Variants in CDC42BPB observed in about 807,000 individuals in gnomAD.
The protein encoded by CDC42BPB is CDC42 binding protein kinase beta.
Under a neutral mutation model 214.9 loss-of-function variants are expected in CDC42BPB, and 37 were observed. The observed-to-expected ratio is 0.17, with a 90% confidence interval of 0.13 to 0.23. CDC42BPB has a LOEUF of 0.23. CDC42BPB is among the 10% of genes least tolerant of loss of function. CDC42BPB has a pLI of 1.00. For missense variants in CDC42BPB, 1,694 were observed against 2,227.0 expected (o/e 0.76, Z 4.82); for synonymous variants, 931 against 884.0 (o/e 1.05, Z -0.94).
At chr14:103,042,964 T>A (rs1190230662) in intron 1 of CDC42BPB, among the ~76,000 whole-genome samples, 1 of 152,102 alleles carries the variant, frequency 6.6e-6, no homozygotes, top group Non-Finnish European at 1.5e-5. Context: ...CACAAAAACT[T>A]GTACATTAAT....
intron 1 of CDC42BPB, chr14:103,041,735 C>T: frequency 1.8e-6 from 1 of 544,180 alleles, no homozygotes. Context: ...AAGAAGGTGG[C>T]CCAGACCATT....
Position 103,004,617 on chromosome 14 carries a change from T to C in CDC42BPB, c.352-594A>G, listed in dbSNP as rs1895147586. On this transcript the variant is annotated intron_variant, in intron 3 of 36. Coordinates refer to ENST00000361246, the MANE Select transcript of CDC42BPB (RefSeq NM_006035.4). The surrounding 1 kb of genome is among the most constrained non-coding windows in gnomAD (Gnocchi z 5.3). Reference sequence around the variant, plus strand: ...CCCAGGTGGCATCTCCGTTTAAAAGTCACCAGGCCTGGCCGAGCACGGTGG... The same window carrying C: ...CCCAGGTGGCATCTCCGTTTAAAAGCCACCAGGCCTGGCCGAGCACGGTGG... 2.0e-5 allele frequency among the ~76,000 whole-genome samples: 3 copies of C among 152,166 alleles called. No homozygotes were observed. Among genetic ancestry groups the C allele is most frequent in the African/African-American group, 4.8e-5 (2 of 41,438 alleles).
intron 34 of CDC42BPB, 146 bp downstream of exon 34, chr14:102,939,464 C>T (rs1013382267): frequency 2.0e-5 from 13 of 656,134 alleles, no homozygotes; most frequent in East Asian, 5.2e-5. Context: ...TCAGCGGAGA[C>T]GGGCTTGTGT....
At chr14:102,986,820 G>T in intron 5 of CDC42BPB, 2 of 725,642 alleles carry the variant, frequency 2.8e-6, no homozygotes, top group Non-Finnish European at 3.4e-6. Flanking sequence ...ATTCCTACTC[G>T]TCTGCCCACC....
In CDC42BPB at chr14:102,933,700, G is replaced by A. The variant is rs761881673; in HGVS notation, c.*12C>T. 3.7e-5 allele frequency: 53 copies of A among 1,451,056 alleles called. No homozygotes were observed. The Admixed American group carries it at 3.8e-4, about 10-fold the overall frequency. The allele number at this position is 1,451,056 out of a possible 1,614,324, so 89.9% of individuals were successfully genotyped here. ...TCTCCAGCTCCCTGGCCCCTGTGGC[G>A]AGCTGGCGGCTTCAGGTGTCACAGG... is the stretch of plus-strand genomic sequence containing the variant. On this transcript the variant is annotated 3_prime_UTR_variant, in exon 37 of 37. Coordinates refer to ENST00000361246, the MANE Select transcript of CDC42BPB (RefSeq NM_006035.4).
chr14:103,022,328 T>C (rs551964889), intron 1 of CDC42BPB, among the ~76,000 whole-genome samples: 1 of 151,256 alleles, frequency 6.6e-6, no homozygotes, highest in African/African-American at 2.4e-5. Flanking sequence ...ATGAGAGAGG[T>C]GGGGTGGAGA....
chr14:102,954,550 G>T, intron 22 of CDC42BPB, 52 bp downstream of exon 22: 1 of 1,531,066 alleles, frequency 6.5e-7, no homozygotes, highest in Non-Finnish European at 9.0e-7. Context: ...TGGTCACCTG[G>T]ACACGAGGGC....
intron 1 of CDC42BPB, among the ~76,000 whole-genome samples, chr14:103,020,958 C>G (rs1886738407): frequency 5.3e-5 from 8 of 152,168 alleles, no homozygotes; most frequent in Admixed American, 5.2e-4. Context: ...AGCCACAGAC[C>G]CCTCTCATCA....
At chr14:102,989,855 G>A (rs1158678036) in intron 5 of CDC42BPB, among the ~76,000 whole-genome samples, 1 of 141,780 alleles carries the variant, frequency 7.1e-6, no homozygotes, top group Non-Finnish European at 1.5e-5. Flanking sequence ...GCGAAACTCT[G>A]TTTCAAAAAA....
In CDC42BPB at chr14:103,052,359, T is replaced by A. The variant is rs76099093; in HGVS notation, c.175+4640A>T. 9.4e-3 allele frequency among the ~76,000 whole-genome samples: 1,429 copies of A among 152,340 alleles called. 27 individuals carry two copies. Among genetic ancestry groups the A allele is most frequent in the African/African-American group, 0.032 (1,317 of 41,574 alleles). On this transcript the variant is annotated intron_variant, in intron 1 of 36. Coordinates refer to ENST00000361246, the MANE Select transcript of CDC42BPB (RefSeq NM_006035.4). ...GTTATTTTTAAAAAGTGTTCCCATG[T>A]TATGCAAATATTCTATCCAGAGAAA...
At chr14:102,954,966 A>G (rs1595463132) in intron 21 of CDC42BPB, 1 of 202,106 alleles carries the variant, frequency 4.9e-6, no homozygotes, top group African/African-American at 2.4e-5. Context: ...CACCCCGCTG[A>G]GGTGAGAATT....
intron 5 of CDC42BPB, among the ~76,000 whole-genome samples, chr14:102,990,089 T>C (rs1324089936): frequency 6.6e-6 from 1 of 152,168 alleles, no homozygotes; most frequent in East Asian, 1.9e-4. Context: ...TACAACTTCA[T>C]GCAGTTTTGG....
chr14:103,051,588 C>T (rs1888611898), intron 1 of CDC42BPB, among the ~76,000 whole-genome samples: 2 of 152,148 alleles, frequency 1.3e-5, no homozygotes, highest in Non-Finnish European at 2.9e-5. Context: ...ACCTGGCTTG[C>T]GACAAGAGGC....
rs999290643 is a variant in CDC42BPB, at chr14:103,004,638, G to A, written c.352-615C>T. On this transcript the variant is annotated intron_variant, in intron 3 of 36. Coordinates refer to ENST00000361246, the MANE Select transcript of CDC42BPB (RefSeq NM_006035.4). This position sits in a 1 kb window ranked among gnomAD's most constrained non-coding sequence, Gnocchi z 5.3. Reference sequence around the variant, plus strand: ...AAAGTCACCAGGCCTGGCCGAGCACGGTGGCTCACACCTGAGGTCAGGAGT... The same window carrying A: ...AAAGTCACCAGGCCTGGCCGAGCACAGTGGCTCACACCTGAGGTCAGGAGT... Among the ~76,000 whole-genome samples, 24 of 152,142 alleles carry A rather than the reference G, an allele frequency of 1.6e-4. No homozygotes were observed. The highest frequency in any genetic ancestry group is 1.9e-4 in the East Asian group (1 of 5,182).
At chr14:102,966,808 G>A (rs1257356610) in intron 17 of CDC42BPB, among the ~76,000 whole-genome samples, 1 of 152,220 alleles carries the variant, frequency 6.6e-6, no homozygotes, top group African/African-American at 2.4e-5. Context: ...GAACGCAAGG[G>A]GTGTGAACGG....
chr14:102,933,765 G>T lies in CDC42BPB; in HGVS notation c.5083C>A (p.His1695Asn), dbSNP rs760303410. Residue 1695 changes from histidine to asparagine, a missense_variant, in exon 37 of 37, where the codon CAC becomes AAC. His to Asn is a moderately conservative substitution (Grantham distance 68). This residue lies in a region of CDC42BPB where 146 missense variants were observed against 134.1 expected (regional missense o/e 1.09). Transcript: ENST00000361246. The part of the protein sequence containing the change: ...PSGPPSPNSP[H>N]RSQLPLEGLE... Reference sequence around the variant, plus strand: ...CCTTCGAGGGGGAGCTGGCTCCTGTGGGGGGAGTTGGGGCTCGGTGGGCCG... The same window carrying T: ...CCTTCGAGGGGGAGCTGGCTCCTGTTGGGGGAGTTGGGGCTCGGTGGGCCG... 3.5e-5 allele frequency: 53 copies of T among 1,500,190 alleles called. No homozygotes were observed. The highest frequency in any genetic ancestry group is 1.7e-4 in the Middle Eastern group (1 of 5,802). 92.9% of individuals were successfully genotyped at this position (1,500,190 alleles called of 1,614,324 possible). A position where few individuals can be genotyped will look rare whatever the true frequency, so the allele number is the denominator to read the frequency against.
intron 1 of CDC42BPB, chr14:103,042,052 A>C: frequency 4.9e-6 from 1 of 204,236 alleles, no homozygotes; most frequent in Admixed American, 5.5e-5. Flanking sequence ...ACCGGCAAAG[A>C]GACAAGGAAG....
chr14:102,974,281 TACACAC>T lies in CDC42BPB; in HGVS notation c.1508-138_1508-133del, dbSNP rs71119749. On this transcript the variant is annotated intron_variant, in intron 11 of 36. Coordinates refer to ENST00000361246, the MANE Select transcript of CDC42BPB (RefSeq NM_006035.4). ...TTTTTCATTCAGAGGTTTTTTTACT[TACACAC>T]ACACACACACACACACACACACACA... The T allele has an allele frequency of 2.6e-3, 3,415 of 1,314,710 alleles. 5 individuals carry two copies. Among genetic ancestry groups the T allele is most frequent in the African/African-American group, 2.9e-3 (175 of 61,108 alleles). The allele number at this position is 1,314,710 out of a possible 1,614,324, so 81.4% of individuals were successfully genotyped here. A position where few individuals can be genotyped will look rare whatever the true frequency, so the allele number is the denominator to read the frequency against.
chr14:102,985,151 C>G (rs34331338), intron 6 of CDC42BPB, among the ~76,000 whole-genome samples: 1,157 of 57,712 alleles, frequency 0.02, no homozygotes, highest in Admixed American at 0.022. Context: ...GTGTGGAGGT[C>G]AGGAGGGTAA....
Sources: allele counts gnomAD v4.1 joint callset (sites outside exome capture counted in the v4.1 genomes callset), GRCh38; gene constraint gnomAD v4.1.1; regional missense constraint gnomAD v4.1.1; non-coding constraint Gnocchi (gnomAD v3.1); transcripts MANE v1.5; gene names NCBI Gene and HGNC (gene_info 2026-07-23, HGNC 2026-07-21).